Variants in AFF1 observed in about 807,000 individuals in gnomAD.
AFF1 encodes ALF transcription elongation factor 1.
AFF1 carries 48 observed loss-of-function variants against 121.7 expected under a neutral mutation model. The observed-to-expected ratio is 0.39, with a 90% CI of 0.31 to 0.50. AFF1 has a LOEUF of 0.50. Ranked by LOEUF, AFF1 falls within the 20% of genes least tolerant of loss-of-function variation. The pLI, the probability that AFF1 is intolerant of heterozygous loss-of-function variation, is 0.76. For missense variants in AFF1, 1,523 were observed against 1,511.7 expected (o/e 1.01, Z -0.12); for synonymous variants, 613 against 563.0 (o/e 1.09, Z -1.26).
At chr4:87,116,007 A>C (rs1482036619) in intron 12 of AFF1, among the ~76,000 whole-genome samples, 3 of 152,124 alleles carry the variant, frequency 2.0e-5, no homozygotes, top group African/African-American at 7.2e-5. Context: ...TTGAAATGTT[A>C]ATTCATATTC....
In AFF1 at chr4:87,125,085, G is replaced by A. The variant is rs761207270; in HGVS notation, c.2515G>A (p.Glu839Lys). The change falls in exon 13 of 21, where the codon GAA becomes AAA. Residue 839 changes from glutamate to lysine, a missense_variant. Around this residue, in one of 5 missense-constraint regions of AFF1, gnomAD observed 905 missense variants for 842.5 expected, o/e 1.07. Transcript: ENST00000395146. The part of the protein sequence containing the change: ...CDNKKIRLEK[E>K]IKSQSSSSSS... ...TAACAAGAAAATCAGACTGGAGAAG[G>A]AAATCAAATCACAGTCATCTTCATC... 1.1e-5 allele frequency: 17 copies of A among 1,610,338 alleles called. No homozygotes were observed. Among genetic ancestry groups the A allele is most frequent in the Non-Finnish European group, 1.4e-5 (16 of 1,177,982 alleles).
chr4:86,964,574 A>T (rs1349592125), intron 2 of AFF1, among the ~76,000 whole-genome samples: 1 of 151,226 alleles, frequency 6.6e-6, no homozygotes, highest in African/African-American at 2.4e-5. Flanking sequence ...AGCTGGGGTT[A>T]CAGGCATGTG....
intron 2 of AFF1, among the ~76,000 whole-genome samples, chr4:87,013,186 A>G (rs1000554583): frequency 2.0e-5 from 3 of 151,674 alleles, no homozygotes; most frequent in Non-Finnish European, 4.4e-5. Flanking sequence ...GAATACAGGC[A>G]TGCTCCACCA....
chr4:86,998,096 C>G, intron 2 of AFF1, among the ~76,000 whole-genome samples: 1 of 52,564 alleles, frequency 1.9e-5, no homozygotes, highest in Non-Finnish European at 3.5e-5. Flanking sequence ...GAAACTCCGT[C>G]TCAAAAAAAA....
At chr4:87,063,654 A>G (rs542612310) in intron 4 of AFF1, among the ~76,000 whole-genome samples, 1 of 152,214 alleles carries the variant, frequency 6.6e-6, no homozygotes, top group Non-Finnish European at 1.5e-5. Context: ...GGACAGAGCT[A>G]TGGAGTTAGA....
In AFF1 at chr4:86,962,145, C is replaced by CT. The variant is rs3035474; in HGVS notation, c.38+13594dup. Among the ~76,000 whole-genome samples the CT allele has an allele frequency of 2.7e-3, 334 of 122,566 alleles. 2 individuals are homozygous for CT. The highest frequency in any genetic ancestry group is 8.8e-3 in the African/African-American group (293 of 33,454). The allele number at this position is 122,566 out of a possible 152,430, so 80.4% of individuals were successfully genotyped here. A position where few individuals can be genotyped will look rare whatever the true frequency, so the allele number is the denominator to read the frequency against. ...AGGATATTTGGAAAAGTTATTGTTT[C>CT]TTTTTTTTTTTTTTTTTTTTCCTGT... On this transcript the variant is annotated intron_variant, in intron 2 of 20. Coordinates refer to ENST00000395146, the MANE Select transcript of AFF1 (RefSeq NM_001166693.3).
chr4:87,082,339 C>A (rs972498227), intron 4 of AFF1, among the ~76,000 whole-genome samples: 2 of 152,010 alleles, frequency 1.3e-5, no homozygotes, highest in African/African-American at 4.8e-5. Flanking sequence ...ATGTTTGGTC[C>A]AGTTTTTAGG....
At chr4:87,086,179 A>G (rs1321991586) in intron 5 of AFF1, among the ~76,000 whole-genome samples, 2 of 152,190 alleles carry the variant, frequency 1.3e-5, no homozygotes, top group East Asian at 1.9e-4. Flanking sequence ...AGTCGTAAAC[A>G]TACTAAGGAA....
chr4:87,050,199 A>G (rs1302650051), intron 4 of AFF1, among the ~76,000 whole-genome samples: 1 of 151,290 alleles, frequency 6.6e-6, no homozygotes, highest in Non-Finnish European at 1.5e-5. Context: ...TTTGGGGCAG[A>G]AGGGGAAGCT....
At chr4:87,072,968 A>G (rs1722247918) in intron 4 of AFF1, among the ~76,000 whole-genome samples, 1 of 152,034 alleles carries the variant, frequency 6.6e-6, no homozygotes, top group Non-Finnish European at 1.5e-5. Context: ...TGGAAGTCTG[A>G]TGTAGTTTGT....
chr4:87,020,181 CA>C (rs1727755724), intron 2 of AFF1, among the ~76,000 whole-genome samples: 1 of 152,224 alleles, frequency 6.6e-6, no homozygotes, highest in Admixed American at 6.5e-5. Flanking sequence ...AAAGTTGCTT[CA>C]AAGATCTGCA....
chr4:86,994,285 G>A (rs1231109833), intron 2 of AFF1, among the ~76,000 whole-genome samples: 1 of 152,232 alleles, frequency 6.6e-6, no homozygotes, highest in African/African-American at 2.4e-5. Context: ...GGCACACTGA[G>A]TTGGCATAAG....
intron 2 of AFF1, among the ~76,000 whole-genome samples, chr4:86,995,764 A>T (rs1284400406): frequency 1.2e-4 from 14 of 118,716 alleles, no homozygotes; most frequent in African/African-American, 3.5e-4. Flanking sequence ...CGTCTCTGCC[A>T]GGCCGCCCAT....
chr4:87,127,248 C>T (rs1378919159), intron 15 of AFF1, 131 bp downstream of exon 15: 7 of 759,970 alleles, frequency 9.2e-6, no homozygotes, highest in African/African-American at 8.7e-5. Flanking sequence ...GCAACCTCCA[C>T]CTCCCGGGTT....
At chr4:87,026,178 C>T (rs891565875) in intron 2 of AFF1, among the ~76,000 whole-genome samples, 7 of 151,776 alleles carry the variant, frequency 4.6e-5, no homozygotes, top group African/African-American at 1.7e-4. Context: ...GCACTCCAGC[C>T]TGGGCAACAA....
At chr4:87,079,169 G>A (rs941730936) in intron 4 of AFF1, among the ~76,000 whole-genome samples, 3 of 152,102 alleles carry the variant, frequency 2.0e-5, no homozygotes, top group Non-Finnish European at 4.4e-5. Flanking sequence ...TGATAAGTAA[G>A]CCTTTTTGAG....
intron 2 of AFF1, among the ~76,000 whole-genome samples, chr4:86,997,586 C>T (rs1389388316): frequency 1.3e-5 from 2 of 149,772 alleles, no homozygotes; most frequent in Admixed American, 1.3e-4. Flanking sequence ...CACGGTGAAA[C>T]CCCATCTCTA....
In AFF1 at chr4:87,068,990, G is replaced by T. The variant is rs189720859; in HGVS notation, c.1060-15130G>T. Among the ~76,000 whole-genome samples the T allele has an allele frequency of 2.6e-3, 402 of 152,310 alleles. 2 individuals are homozygous for T. Among genetic ancestry groups the T allele is most frequent in the Non-Finnish European group, 4.3e-3 (293 of 68,032 alleles). On this transcript the variant is annotated intron_variant, in intron 4 of 20. Coordinates refer to ENST00000395146, the MANE Select transcript of AFF1 (RefSeq NM_001166693.3). ...AAGTATGCAGCAGCTGGAGGTTCAG[G>T]TGGGGAGGATGGAGGGTAGGGAAAT...
chr4:86,980,071 C>T (rs572741829), intron 2 of AFF1, among the ~76,000 whole-genome samples: 9 of 152,160 alleles, frequency 5.9e-5, no homozygotes, highest in South Asian at 2.1e-4. Context: ...CCACCACACC[C>T]GGCTAATTCT....
Sources: gnomAD v4.1 joint callset for allele counts (sites outside exome capture counted in the v4.1 genomes callset) on GRCh38, gnomAD v4.1.1 for gene constraint, gnomAD v4.1.1 regional missense constraint, MANE v1.5 for transcripts, NCBI Gene and HGNC (gene_info 2026-07-23, HGNC 2026-07-21) for gene names.